Variants in SLIT3 observed in about 807,000 individuals in gnomAD.
The protein encoded by SLIT3 is slit guidance ligand 3, also known as slit homolog 3 protein.
In SLIT3, 68 loss-of-function variants were observed where a neutral mutation model predicts 184.0. That is an observed-to-expected ratio of 0.37 (90% confidence interval 0.30 to 0.45). The LOEUF is 0.45. SLIT3 is among the 20% of genes least tolerant of loss of function. The pLI is 1.00. For synonymous variants in SLIT3, 831 were observed against 828.6 expected (o/e 1.00, Z -0.05); for missense variants, 1,707 against 2,026.0 (o/e 0.84, Z 3.02).
rs17732658 is a variant in SLIT3 at position 168,690,850 on chromosome 5, G to T, written c.3176+1757C>A. On this transcript the variant is annotated intron_variant, in intron 29 of 35. Coordinates refer to ENST00000519560, the MANE Select transcript of SLIT3 (RefSeq NM_003062.4). ...CCCTGGTGATGAGATCTAGGCTTGT[G>T]ATGTGAAAATAGAAAAGGAAGACAC... is the stretch of plus-strand genomic sequence containing the variant. Among the ~76,000 whole-genome samples, 201 of 152,282 alleles carry T rather than the reference G, an allele frequency of 1.3e-3. 2 individuals carry two copies. The East Asian group carries it at 0.033, about 25-fold the overall frequency.
intron 4 of SLIT3, among the ~76,000 whole-genome samples, chr5:169,103,924 T>C (rs147208735): frequency 9.2e-5 from 14 of 152,298 alleles, no homozygotes; most frequent in African/African-American, 3.4e-4. Context: ...GCCCTGCCAC[T>C]TGCTGCTCTG....
chr5:168,708,367 C>A, intron 25 of SLIT3: 1 of 522,320 alleles, frequency 1.9e-6, no homozygotes, highest in East Asian at 3.3e-5. Context: ...TAGCCTGATC[C>A]GATTTTGGTG....
intron 1 of SLIT3, among the ~76,000 whole-genome samples, chr5:169,271,444 C>T (rs1177334630): frequency 6.6e-6 from 1 of 152,166 alleles, no homozygotes; most frequent in Admixed American, 6.5e-5. Context: ...TTAAAGGCTC[C>T]TCTCTTGAAT....
chr5:168,851,895 G>T (rs937611001), intron 5 of SLIT3, among the ~76,000 whole-genome samples: 8 of 152,178 alleles, frequency 5.3e-5, no homozygotes, highest in Admixed American at 5.2e-4. Context: ...GGCTCTAAAA[G>T]GCTCCTCACT....
intron 9 of SLIT3, among the ~76,000 whole-genome samples, chr5:168,797,641 C>T (rs1306053923): frequency 6.6e-6 from 1 of 152,132 alleles, no homozygotes; most frequent in Non-Finnish European, 1.5e-5. Context: ...TGAGAGAGAC[C>T]AGCCCAAGAG....
chr5:168,682,847 T>C (rs1009259768), intron 32 of SLIT3, among the ~76,000 whole-genome samples: 2 of 152,192 alleles, frequency 1.3e-5, no homozygotes, highest in African/African-American at 4.8e-5. Context: ...TCCCTAAGGT[T>C]TGGCTCTCCT....
At chr5:169,289,762 G>A (rs1449697466) in intron 1 of SLIT3, among the ~76,000 whole-genome samples, 1 of 152,230 alleles carries the variant, frequency 6.6e-6, no homozygotes, top group Non-Finnish European at 1.5e-5. Context: ...GGAGCCAGGA[G>A]TAGCTAAAGC....
At chr5:169,109,224 G>C (rs528299297) in intron 4 of SLIT3, among the ~76,000 whole-genome samples, 1 of 152,318 alleles carries the variant, frequency 6.6e-6, no homozygotes, top group Non-Finnish European at 1.5e-5. Flanking sequence ...GGACTGGAGA[G>C]ATTCTCTTTG....
At chr5:169,035,186 G>A (rs532694845) in intron 4 of SLIT3, among the ~76,000 whole-genome samples, 2 of 152,208 alleles carry the variant, frequency 1.3e-5, no homozygotes, top group African/African-American at 4.8e-5. Flanking sequence ...TGGATAGACT[G>A]TAAGAGAAGA....
chr5:168,914,376 A>G (rs1761366551), intron 4 of SLIT3, among the ~76,000 whole-genome samples: 1 of 152,238 alleles, frequency 6.6e-6, no homozygotes, highest in South Asian at 2.1e-4. Context: ...GAATCTGCCC[A>G]GGGTTTGGGG....
In SLIT3 at chr5:168,817,718, C is replaced by G. The variant is rs151225028; in HGVS notation, c.630-255G>C. Among the ~76,000 whole-genome samples, 18 of 152,316 alleles carry G rather than the reference C, an allele frequency of 1.2e-4. No individual in the cohort carries two copies. In the East Asian group the frequency reaches 3.5e-3, roughly 29 times the overall value. Reference sequence around the variant, plus strand: ...TTTAATAGCAAGTCCACCCTCTTTTCTTTTCACTCAAGCAAGCCTCAGCAC... The same window carrying G: ...TTTAATAGCAAGTCCACCCTCTTTTGTTTTCACTCAAGCAAGCCTCAGCAC... On this transcript the variant is annotated intron_variant, in intron 7 of 35. Transcript: ENST00000519560.
intron 3 of SLIT3, among the ~76,000 whole-genome samples, chr5:169,216,636 T>A (rs189437930): frequency 6.6e-6 from 1 of 152,304 alleles, no homozygotes; most frequent in East Asian, 1.9e-4. Flanking sequence ...AAAGGGCCAC[T>A]CTTTGCCCTG....
chr5:169,081,698 T>A (rs1759066936), intron 4 of SLIT3, among the ~76,000 whole-genome samples: 1 of 151,978 alleles, frequency 6.6e-6, no homozygotes, highest in Non-Finnish European at 1.5e-5. Context: ...AAGGCATGAG[T>A]CCCGGCAGCA....
intron 1 of SLIT3, among the ~76,000 whole-genome samples, chr5:169,275,422 C>T (rs1210582105): frequency 6.6e-6 from 1 of 152,208 alleles, no homozygotes; most frequent in Admixed American, 6.5e-5. Flanking sequence ...ACAAGGTTCA[C>T]CTAGCTGCAG....
At chr5:169,055,570 A>C (rs960599119) in intron 4 of SLIT3, among the ~76,000 whole-genome samples, 3 of 152,186 alleles carry the variant, frequency 2.0e-5, no homozygotes, top group Non-Finnish European at 2.9e-5. Context: ...GGTCGGGCGC[A>C]GTGGCTCACG....
intron 4 of SLIT3, among the ~76,000 whole-genome samples, chr5:168,966,417 G>A (rs1318785030): frequency 6.6e-6 from 1 of 151,918 alleles, no homozygotes; most frequent in Non-Finnish European, 1.5e-5. Context: ...TGGAATTGAA[G>A]GGGCAGCCTG....
intron 3 of SLIT3, among the ~76,000 whole-genome samples, chr5:169,240,496 T>G (rs1765361524): frequency 6.6e-6 from 1 of 151,186 alleles, no homozygotes; most frequent in African/African-American, 2.4e-5. Context: ...CCTCTTTATA[T>G]CTAATATATT....
intron 4 of SLIT3, among the ~76,000 whole-genome samples, chr5:169,045,046 G>A (rs1477837593): frequency 6.6e-6 from 1 of 152,224 alleles, no homozygotes; most frequent in East Asian, 1.9e-4. Flanking sequence ...CAGCACCAGA[G>A]ATGCGGGGTC....
At chr5:169,132,740 A>G (rs917864977) in intron 4 of SLIT3, among the ~76,000 whole-genome samples, 1 of 152,236 alleles carries the variant, frequency 6.6e-6, no homozygotes, top group East Asian at 1.9e-4. Context: ...CAAGTATACA[A>G]GGAAATACGG....
Sources: gnomAD v4.1 joint callset for allele counts (sites outside exome capture counted in the v4.1 genomes callset) on GRCh38, gnomAD v4.1.1 for gene constraint, MANE v1.5 for transcripts, NCBI Gene and HGNC (gene_info 2026-07-23, HGNC 2026-07-21) for gene names.